Variants in KIF21B observed in about 807,000 individuals in gnomAD.
KIF21B encodes the protein kinesin-like protein KIF21B.
A neutral mutation model predicts 192.9 loss-of-function variants in KIF21B; 85 were observed. That is an observed-to-expected ratio of 0.44 (90% confidence interval 0.37 to 0.53). KIF21B has a LOEUF of 0.53. KIF21B is among the 20% of genes least tolerant of loss of function. KIF21B has a pLI of 0.00. For missense variants in KIF21B, 1,716 were observed against 2,194.8 expected (o/e 0.78, Z 4.36); for synonymous variants, 832 against 884.6 (o/e 0.94, Z 1.05).
intron 34 of KIF21B, chr1:200,974,067 AAG>A (rs772927365): frequency 6.2e-7 from 1 of 1,609,454 alleles, no homozygotes. Flanking sequence ...GGAAGAATGA[AAG>A]AGGAGACAGG....
Position 200,991,694 on chromosome 1 carries a change from C to T in KIF21B, c.2417G>A (p.Arg806Gln), listed in dbSNP as rs1364620614. The change falls in exon 17 of 35, where the codon CGG (arginine) becomes CAG (glutamine). Residue 806 changes from arginine to glutamine, a missense_variant. Physicochemically the swap from Arg to Gln is conservative, Grantham distance 43. Around this residue, in one of 3 missense-constraint regions of KIF21B, gnomAD observed 1,087 missense variants for 1,316.6 expected, o/e 0.83. Coordinates refer to ENST00000461742, the MANE Select transcript of KIF21B (RefSeq NM_001252102.2). ...FQIRALESQK[R>Q]QQEMVLRRKT... ...CCTCCTCAGGACCATCTCCTGCTGC[C>T]GCTTCTGGGACTCCAGAGCTCGGAT... The T allele has an allele frequency of 1.5e-5, 25 of 1,614,048 alleles. No homozygotes were observed. The highest frequency in any genetic ancestry group is 2.7e-5 in the African/African-American group (2 of 74,942).
chr1:201,002,390 C>T, intron 8 of KIF21B, 40 bp from the exon 9 acceptor site: 2 of 1,590,414 alleles, frequency 1.3e-6, no homozygotes, highest in South Asian at 2.2e-5. Flanking sequence ...GGCAGCAGAG[C>T]TCGCGGTTGG....
At chr1:200,995,432 G>A (rs917701454) in intron 15 of KIF21B, among the ~76,000 whole-genome samples, 8 of 152,202 alleles carry the variant, frequency 5.3e-5, no homozygotes, top group African/African-American at 1.9e-4. Flanking sequence ...AAGGGAGCAT[G>A]GATCTGCTGA....
In KIF21B at chr1:201,005,410, G is replaced by A. The variant is rs372280613; in HGVS notation, c.630C>T (p.Ser210=). 1 of 1,612,022 alleles carries A rather than the reference G, an allele frequency of 6.2e-7. No homozygotes were observed. The highest frequency in any genetic ancestry group is 8.5e-7 in the Non-Finnish European group (1 of 1,178,996). ...TCATCTGGGTGCTGGCTGTGGTGCG[G>A]GACAGGGCCCCCTGCTTCAGGCACT... ...LIQCLKQGAL[S]RTTASTQMNV... The change falls in exon 5 of 35, where the codon TCC becomes TCT. Residue 210 remains serine (S), a synonymous_variant. Transcript: ENST00000461742.
At chr1:201,007,763 G>C (rs1267973404) in intron 3 of KIF21B, among the ~76,000 whole-genome samples, 2 of 145,556 alleles carry the variant, frequency 1.4e-5, no homozygotes, top group African/African-American at 5.1e-5. Flanking sequence ...CACTCACACA[G>C]ATGCACACAT....
intron 1 of KIF21B, among the ~76,000 whole-genome samples, chr1:201,010,101 C>A (rs551981174): frequency 6.6e-6 from 1 of 152,226 alleles, no homozygotes; most frequent in Admixed American, 6.5e-5. Flanking sequence ...TCTGCCAATG[C>A]CCATGGGGGC....
intron 1 of KIF21B, among the ~76,000 whole-genome samples, chr1:201,016,169 G>A (rs1658490221): frequency 6.6e-6 from 1 of 152,154 alleles, no homozygotes; most frequent in Non-Finnish European, 1.5e-5. Context: ...AACCAAACCT[G>A]CCTGTGCCCA....
intron 3 of KIF21B, among the ~76,000 whole-genome samples, chr1:201,006,637 C>T (rs1657840287): frequency 6.6e-6 from 1 of 152,154 alleles, no homozygotes. Flanking sequence ...ATCATTTGAC[C>T]TCTTGTGGTT....
At chr1:201,007,231 G>GAC (rs1170693124) in intron 3 of KIF21B, among the ~76,000 whole-genome samples, 1 of 86,384 alleles carries the variant, frequency 1.2e-5, no homozygotes, top group South Asian at 3.6e-4. Context: ...GACACACACA[G>GAC]ACACACACAC....
At position 200,975,472 on chromosome 1, in the gene KIF21B, A is replaced by C. The variant is rs1655486142; in HGVS notation, c.4614+27T>G. 8 of 1,595,212 alleles carry C rather than the reference A, an allele frequency of 5.0e-6. No individual in the cohort carries two copies. Among genetic ancestry groups the C allele is most frequent in the Non-Finnish European group, 6.9e-6 (8 of 1,166,850 alleles). On this transcript the variant is annotated intron_variant, in intron 33 of 34. Coordinates refer to ENST00000461742, the MANE Select transcript of KIF21B (RefSeq NM_001252102.2). This position sits in a 1 kb window ranked among gnomAD's most constrained non-coding sequence, Gnocchi z 4.3. The stretch of plus-strand genomic sequence containing the variant: ...TATGGAAACCACCCTACCCGAGTCT[A>C]CCCTCTCCCTTTCCTCCTGACCCCA...
chr1:201,008,989 C>T (rs1658076901), intron 2 of KIF21B, 38 bp from the exon 3 acceptor site: 1 of 1,567,576 alleles, frequency 6.4e-7, no homozygotes, highest in African/African-American at 1.4e-5. Context: ...ACCCTGCACC[C>T]TTTGGGGGCA....
intron 1 of KIF21B, among the ~76,000 whole-genome samples, chr1:201,014,159 T>C (rs1658375396): frequency 6.6e-6 from 1 of 152,238 alleles, no homozygotes. Context: ...GTTGCTGAGC[T>C]TCCTCTGTTC....
At chr1:201,012,239 T>C (rs1026160506) in intron 1 of KIF21B, among the ~76,000 whole-genome samples, 13 of 152,216 alleles carry the variant, frequency 8.5e-5, no homozygotes, top group African/African-American at 3.1e-4. Flanking sequence ...CAGGTGAGCA[T>C]GCCTGAGCAG....
chr1:200,995,672 C>A lies in KIF21B; in HGVS notation c.2277+524G>T, dbSNP rs139202910. On this transcript the variant is annotated intron_variant, in intron 15 of 34. Transcript: ENST00000461742. Reference sequence around the variant, plus strand: ...GGAAGCTGGAATTAACTTCTCTGAGCCTCACTTTCTCATACATAAAAGAAT... The same window carrying A: ...GGAAGCTGGAATTAACTTCTCTGAGACTCACTTTCTCATACATAAAAGAAT... 2.0e-5 allele frequency among the ~76,000 whole-genome samples: 3 copies of A among 152,306 alleles called. No individual in the cohort carries two copies. In the East Asian group the frequency reaches 5.8e-4, roughly 29 times the overall value.
chr1:201,013,107 A>G (rs1410683041), intron 1 of KIF21B, among the ~76,000 whole-genome samples: 1 of 152,148 alleles, frequency 6.6e-6, no homozygotes, highest in Non-Finnish European at 1.5e-5. Flanking sequence ...GGTGGCAGAC[A>G]CTGTCTCAGT....
In KIF21B at chr1:200,999,091, C is replaced by T. The variant is rs1657284413; in HGVS notation, c.1885+258G>A. On this transcript the variant is annotated intron_variant, in intron 13 of 34. Coordinates refer to ENST00000461742, the MANE Select transcript of KIF21B (RefSeq NM_001252102.2). The surrounding 1 kb of genome is among the most constrained non-coding windows in gnomAD (Gnocchi z 4.7). ...GTGGTGATATAGGGAAGCTCACCACCCCTATGCATACAGTTGCAGTGAAGA... is the reference window on the plus strand; with the variant it reads ...GTGGTGATATAGGGAAGCTCACCACTCCTATGCATACAGTTGCAGTGAAGA... Among the ~76,000 whole-genome samples, 2 of 152,154 alleles carry T rather than the reference C, an allele frequency of 1.3e-5. No homozygotes were observed. The highest frequency in any genetic ancestry group is 4.8e-5 in the African/African-American group (2 of 41,416).
chr1:200,993,049 G>C (rs895382336), intron 15 of KIF21B, among the ~76,000 whole-genome samples: 16 of 152,210 alleles, frequency 1.1e-4, no homozygotes, highest in Non-Finnish European at 1.6e-4. Flanking sequence ...TGCAGCCCCA[G>C]GGATGGCTCC....
rs200143132 is a variant in KIF21B, at chr1:200,988,534, G to C, written c.3309C>G (p.Tyr1103Ter). ...LIYNVQQENG[Y>*]ASTDEEISEF... ...CTGAGATCTCCTCATCTGTGCTGGC[G>C]TAGCCATTCTCTGTGGGAGGGCGGG... is the stretch of plus-strand genomic sequence containing the variant. Residue 1103 changes from tyrosine to a stop codon, truncating the protein, a stop_gained, in exon 23 of 35, where the codon TAC becomes TAG. Coordinates refer to ENST00000461742, the MANE Select transcript of KIF21B (RefSeq NM_001252102.2). LOFTEE classifies it high-confidence loss of function. 1.8e-6 allele frequency: 2 copies of C among 1,115,210 alleles called. No homozygotes were observed. Among genetic ancestry groups the C allele is most frequent in the Non-Finnish European group, 2.6e-6 (2 of 768,994 alleles). 69.1% of individuals were successfully genotyped at this position (1,115,210 alleles called of 1,614,324 possible).
In KIF21B at chr1:200,992,328, C is replaced by T; in HGVS notation, c.2339G>A (p.Arg780Lys). 1 of 1,613,216 alleles carries T rather than the reference C, an allele frequency of 6.2e-7. No individual in the cohort carries two copies. Among genetic ancestry groups the T allele is most frequent in the Non-Finnish European group, 8.5e-7 (1 of 1,180,044 alleles). ...CTTGAGCTGTGCGATCTCCCGGTTC[C>T]TCTTGGTCTCCACTAGCCGCCGCCG... Reference protein sequence around the residue: ...QQRRRLVETKRNREIAQLKKE... With the variant: ...QQRRRLVETKKNREIAQLKKE... Residue 780 changes from arginine (R) to lysine (K), a missense_variant, in exon 16 of 35, where the codon AGG becomes AAG. By Grantham distance (26) the Arg-to-Lys change is conservative (BLOSUM62 2). Around this residue, in one of 3 missense-constraint regions of KIF21B, gnomAD observed 1,087 missense variants for 1,316.6 expected, o/e 0.83. Coordinates refer to ENST00000461742, the MANE Select transcript of KIF21B (RefSeq NM_001252102.2).
Sources: gnomAD v4.1 joint callset for allele counts (sites outside exome capture counted in the v4.1 genomes callset) on GRCh38, gnomAD v4.1.1 for gene constraint, gnomAD v4.1.1 regional missense constraint, Gnocchi (gnomAD v3.1) non-coding constraint, MANE v1.5 for transcripts, NCBI Gene and HGNC (gene_info 2026-07-23, HGNC 2026-07-21) for gene names.